Variants in ATXN2 observed in about 807,000 individuals in gnomAD.
ATXN2 encodes ataxin-2.
ATXN2 carries 37 observed loss-of-function variants against 138.6 expected under a neutral mutation model. The observed-to-expected ratio is 0.27, with a 90% CI of 0.21 to 0.35. The LOEUF is 0.35. ATXN2 is among the 10% of genes least tolerant of loss of function. The pLI, the probability that ATXN2 is intolerant of heterozygous loss-of-function variation, is 1.00. For missense variants in ATXN2, 1,216 were observed against 1,480.3 expected (o/e 0.82, Z 2.93); for synonymous variants, 549 against 543.7 (o/e 1.01, Z -0.13).
chr12:111,479,237 T>G (rs923339614), intron 18 of ATXN2: 22 of 278,484 alleles, frequency 7.9e-5, no homozygotes, highest in Middle Eastern at 2.2e-3. Flanking sequence ...AATCATAAAA[T>G]GAAATGCTAC....
At chr12:111,519,734 T>C in intron 8 of ATXN2, 145 bp downstream of exon 8, 1 of 1,402,870 alleles carries the variant, frequency 7.1e-7, no homozygotes, top group Non-Finnish European at 9.5e-7. Flanking sequence ...CCATAACCTT[T>C]TCTCTAACAG....
chr12:111,505,463 G>A (rs1313004358), intron 14 of ATXN2, among the ~76,000 whole-genome samples: 1 of 152,126 alleles, frequency 6.6e-6, no homozygotes, highest in African/African-American at 2.4e-5. Context: ...ACAGGGACTT[G>A]TACACACAAT....
At chr12:111,464,327 GTGTGTGTTTGTGTGTGT>G (rs1566005279) in intron 21 of ATXN2, among the ~76,000 whole-genome samples, 4,447 of 127,686 alleles carry the variant, frequency 0.035, 245 homozygotes, top group African/African-American at 0.19. Context: ...TGGCTTGGGT[GTGTGTGTTTGTGTGTGT>G]GTGTGTGTGT....
intron 7 of ATXN2, 24 bp downstream of exon 7, chr12:111,520,858 T>TA: frequency 7.1e-7 from 1 of 1,399,596 alleles, no homozygotes; most frequent in Non-Finnish European, 9.8e-7. Context: ...TGCACTAAAA[T>TA]AAAAACAAAC....
In ATXN2 at chr12:111,456,237, G is replaced by A. The variant is rs1486779797; in HGVS notation, c.3062C>T (p.Ala1021Val). 1 of 1,614,242 alleles carries A rather than the reference G, an allele frequency of 6.2e-7. No homozygotes were observed. Among genetic ancestry groups the A allele is most frequent in the Non-Finnish European group, 8.5e-7 (1 of 1,180,046 alleles). Reference protein sequence around the residue: ...SPVQHHQHQAAQALHLASPQQ... With the variant: ...SPVQHHQHQAVQALHLASPQQ... ...TGGACTGGCCAGATGGAGAGCCTGG[G>A]CGGCCTGGTGCTGATGGTGCTGCAA... is the stretch of plus-strand genomic sequence containing the variant. Residue 1021 changes from alanine (A) to valine (V), a missense_variant, in exon 23 of 25, where the codon GCC becomes GTC. Coordinates refer to ENST00000673436, the MANE Select transcript of ATXN2 (RefSeq NM_001372574.1).
At chr12:111,477,220 G>A (rs1265288672) in intron 18 of ATXN2, among the ~76,000 whole-genome samples, 2 of 151,066 alleles carry the variant, frequency 1.3e-5, no homozygotes, top group African/African-American at 4.9e-5. Context: ...GCTGGGTGTA[G>A]TGGCGGGCAC....
intron 18 of ATXN2, among the ~76,000 whole-genome samples, chr12:111,483,112 A>G (rs1877365415): frequency 6.6e-6 from 1 of 151,292 alleles, no homozygotes; most frequent in Non-Finnish European, 1.5e-5. Flanking sequence ...GCTTGAGCCC[A>G]GGAGGTCAAG....
intron 1 of ATXN2, among the ~76,000 whole-genome samples, chr12:111,591,601 C>A (rs1163204811): frequency 6.6e-6 from 1 of 152,082 alleles, no homozygotes; most frequent in African/African-American, 2.4e-5. Flanking sequence ...TAGATTGAGG[C>A]TGCACTCCAG....
intron 1 of ATXN2, among the ~76,000 whole-genome samples, chr12:111,583,762 G>A (rs559103202): frequency 3.0e-4 from 16 of 53,214 alleles, no homozygotes; most frequent in African/African-American, 5.4e-4. Flanking sequence ...GCAAGACTCC[G>A]ACTCAAAAAA....
At chr12:111,524,614 T>C (rs949771863) in intron 6 of ATXN2, among the ~76,000 whole-genome samples, 2 of 152,150 alleles carry the variant, frequency 1.3e-5, no homozygotes, top group Non-Finnish European at 1.5e-5. Flanking sequence ...CAAGTACAGA[T>C]AATGCATTAA....
Position 111,552,557 on chromosome 12 carries a change from C to T in ATXN2, c.421-127G>A. 1.0e-6 allele frequency: 1 copy of T among 955,164 alleles called. No homozygotes were observed. Among genetic ancestry groups the T allele is most frequent in the Non-Finnish European group, 1.5e-6 (1 of 671,048 alleles). The allele number at this position is 955,164 out of a possible 1,614,324, so 59.2% of individuals were successfully genotyped here. A position where few individuals can be genotyped will look rare whatever the true frequency, so the allele number is the denominator to read the frequency against. On this transcript the variant is annotated intron_variant, in intron 4 of 24. Coordinates refer to ENST00000673436, the MANE Select transcript of ATXN2 (RefSeq NM_001372574.1). This position sits in a 1 kb window ranked among gnomAD's most constrained non-coding sequence, Gnocchi z 4.1. ...AAAAATAATCTCAAGAGAATCATAC[C>T]CTTTTTCCCAGGCATATGATCTATT... is the stretch of plus-strand genomic sequence containing the variant.
chr12:111,567,499 CA>C (rs1040252320), intron 1 of ATXN2, among the ~76,000 whole-genome samples: 233 of 123,974 alleles, frequency 1.9e-3, no homozygotes, highest in Non-Finnish European at 1.7e-3. Flanking sequence ...GACCCCATTT[CA>C]AAAAAAAAAA....
At chr12:111,576,085 A>AAT (rs1883624484) in intron 1 of ATXN2, among the ~76,000 whole-genome samples, 1 of 123,390 alleles carries the variant, frequency 8.1e-6, no homozygotes, top group African/African-American at 3.3e-5. Context: ...TCTGTCTTAA[A>AAT]ATAACATAAC....
chr12:111,459,290 A>C (rs538896429), intron 21 of ATXN2, among the ~76,000 whole-genome samples: 2 of 152,282 alleles, frequency 1.3e-5, no homozygotes, highest in South Asian at 4.1e-4. Flanking sequence ...TTGGTGGCTT[A>C]TTAACAGGCC....
chr12:111,562,814 CAA>C (rs1456414197), intron 1 of ATXN2, among the ~76,000 whole-genome samples: 1 of 149,760 alleles, frequency 6.7e-6, no homozygotes, highest in Non-Finnish European at 1.5e-5. Flanking sequence ...CTGTTTCAGG[CAA>C]AAGTGTCCAC....
At chr12:111,474,235 C>CA (rs1209483474) in intron 18 of ATXN2, among the ~76,000 whole-genome samples, 1 of 151,666 alleles carries the variant, frequency 6.6e-6, no homozygotes, top group Non-Finnish European at 1.5e-5. Context: ...AACAAACAAA[C>CA]AAAAAAACCT....
chr12:111,519,792 G>A, intron 8 of ATXN2, 87 bp downstream of exon 8: 5 of 1,591,092 alleles, frequency 3.1e-6, no homozygotes, highest in Non-Finnish European at 4.3e-6. Context: ...TATATTAAAG[G>A]AAGAGGAAAT....
At chr12:111,581,492 G>C in intron 1 of ATXN2, 1 of 1,004,790 alleles carries the variant, frequency 1.0e-6, no homozygotes, top group Non-Finnish European at 1.6e-6. Context: ...CCACAACCCT[G>C]CTCCCCCAAT....
At chr12:111,494,425 CTT>C (rs757341708) in intron 14 of ATXN2, among the ~76,000 whole-genome samples, 12 of 133,716 alleles carry the variant, frequency 9.0e-5, no homozygotes, top group Non-Finnish European at 8.1e-5. Context: ...TATGTGATCT[CTT>C]TTTTTTTTTT....
Sources: gnomAD v4.1 joint callset for allele counts (sites outside exome capture counted in the v4.1 genomes callset) on GRCh38, gnomAD v4.1.1 for gene constraint, Gnocchi (gnomAD v3.1) non-coding constraint, MANE v1.5 for transcripts, NCBI Gene and HGNC (gene_info 2026-07-23, HGNC 2026-07-21) for gene names.